The following RIN2 variants were observed in gnomAD, a reference collection of about 807,000 sequenced individuals.
The protein encoded by RIN2 is Ras and Rab interactor 2.
Under a neutral mutation model 78.0 loss-of-function variants are expected in RIN2, and 36 were observed. The ratio of observed to expected loss-of-function variants is 0.46; its 90% CI spans 0.35 to 0.61. The LOEUF is 0.61. RIN2 is among the 20% of genes least tolerant of loss of function. The pLI is 0.00. For synonymous variants in RIN2, 466 were observed against 466.8 expected, an observed-to-expected ratio of 1.00 and a Z score of 0.02; for missense variants, 1,087 against 1,159.7, an observed-to-expected ratio of 0.94 and a Z score of 0.91.
intron 2 of RIN2, among the ~76,000 whole-genome samples, chr20:19,883,889 TAAAA>T (rs140532587): frequency 7.0e-5 from 10 of 143,698 alleles, no homozygotes; most frequent in Admixed American, 1.4e-4. Flanking sequence ...ACCACCTTGT[TAAAA>T]AAAAAAAAAA....
intron 3 of RIN2, among the ~76,000 whole-genome samples, chr20:19,894,879 G>A (rs2038648037): frequency 6.6e-6 from 1 of 151,982 alleles, no homozygotes; most frequent in African/African-American, 2.4e-5. Flanking sequence ...GAAGACCCTG[G>A]CTCCTTGCTG....
chr20:19,850,934 A>C lies in RIN2; in HGVS notation c.-36-38632A>C, dbSNP rs139822803. Among the ~76,000 whole-genome samples, 336 of 151,998 alleles carry C rather than the reference A, an allele frequency of 2.2e-3. 1 individual carries two copies. Among genetic ancestry groups the C allele is most frequent in the Non-Finnish European group, 3.2e-3 (215 of 67,966 alleles). ...AATTGCAGTAAGCCAAGATCGTGCC[A>C]CTGCACTCCAGCCTGGGCAACAAAA... On this transcript the variant is annotated intron_variant, in intron 2 of 12. Coordinates refer to ENST00000255006, the MANE Select transcript of RIN2 (RefSeq NM_018993.4).
At chr20:19,891,613 G>T (rs2123513192) in intron 3 of RIN2, among the ~76,000 whole-genome samples, 1 of 152,334 alleles carries the variant, frequency 6.6e-6, no homozygotes, top group East Asian at 1.9e-4. Context: ...GAGGTCAGGA[G>T]TTCGAGACGA....
At chr20:19,902,015 CAAAAAAAAAAAAA>C (rs55949901) in intron 3 of RIN2, among the ~76,000 whole-genome samples, 2 of 100,664 alleles carry the variant, frequency 2.0e-5, no homozygotes, top group African/African-American at 3.9e-5. Context: ...GACTCTGTCT[CAAAAAAAAAAAAA>C]AAAAAAAAAA....
At chr20:19,963,412 G>A (rs1324634127) in intron 6 of RIN2, among the ~76,000 whole-genome samples, 2 of 152,042 alleles carry the variant, frequency 1.3e-5, no homozygotes, top group African/African-American at 4.8e-5. Context: ...TCAGCAGTTC[G>A]AGACCAGCCT....
At chr20:19,835,095 A>G (rs1219651690) in intron 2 of RIN2, among the ~76,000 whole-genome samples, 3 of 136,556 alleles carry the variant, frequency 2.2e-5, no homozygotes, top group Non-Finnish European at 5.0e-5. Flanking sequence ...GAGAAAAAGA[A>G]AGAAGAAAGA....
At position 19,815,973 on chromosome 20, in the gene RIN2, C is replaced by T. The variant is rs553675425; in HGVS notation, c.-37+16226C>T. 2.6e-4 allele frequency among the ~76,000 whole-genome samples: 39 copies of T among 152,304 alleles called. 1 individual carries two copies. Among genetic ancestry groups the T allele is most frequent in the Non-Finnish European group, 2.1e-4 (14 of 68,032 alleles). On this transcript the variant is annotated intron_variant, in intron 2 of 12. Coordinates refer to ENST00000255006, the MANE Select transcript of RIN2 (RefSeq NM_018993.4). The stretch of plus-strand genomic sequence containing the variant: ...AAAATTTGATGTTGAAAAAGATAAA[C>T]GTCTTCTTTGGTTAAGAAGATTTTG...
chr20:20,000,853 T>G lies in RIN2; in HGVS notation c.2605T>G (p.Phe869Val), dbSNP rs775176862. Residue 869 changes from phenylalanine to valine, a missense_variant, in exon 13 of 13, where the codon TTC (phenylalanine) becomes GTC (valine). By Grantham distance (50) the Phe-to-Val change is conservative (BLOSUM62 -1). Around this residue, in one of 8 missense-constraint regions of RIN2, gnomAD observed 160 missense variants for 179.4 expected, o/e 0.89. Transcript: ENST00000255006. ...GCACAGCCGACCACAGCCCCACATC[T>G]TCCACTTTGTCTACAAACGCATCAA... The part of the protein sequence containing the change: ...ELHSRPQPHI[F>V]HFVYKRIKND... 6.2e-7 allele frequency: 1 copy of G among 1,614,000 alleles called. No homozygotes were observed. The highest frequency in any genetic ancestry group is 1.7e-5 in the Admixed American group (1 of 60,026).
chr20:19,816,376 C>A (rs1035987656), intron 2 of RIN2, among the ~76,000 whole-genome samples: 1 of 151,710 alleles, frequency 6.6e-6, no homozygotes, highest in African/African-American at 2.4e-5. Flanking sequence ...GGGGCTTTGG[C>A]GGCTATGTCT....
intron 4 of RIN2, chr20:19,935,593 A>G: frequency 1.0e-6 from 1 of 997,748 alleles, no homozygotes; most frequent in Non-Finnish European, 1.2e-6. Flanking sequence ...GGATGGACTC[A>G]TTTTGCATTC....
chr20:19,784,530 G>A (rs2328452), intron 1 of RIN2, among the ~76,000 whole-genome samples: 27,207 of 151,962 alleles, frequency 0.18, 3,058 homozygotes, highest in African/African-American at 0.32. Context: ...GTGGTTGCCT[G>A]CATCCAAATC....
chr20:19,845,853 G>T (rs952064114), intron 2 of RIN2, among the ~76,000 whole-genome samples: 16 of 152,054 alleles, frequency 1.1e-4, no homozygotes, highest in African/African-American at 3.6e-4. Flanking sequence ...ATGTTTTCAT[G>T]GTTTTAGGTC....
intron 3 of RIN2, among the ~76,000 whole-genome samples, chr20:19,905,261 A>G (rs570658336): frequency 6.6e-6 from 1 of 152,014 alleles, no homozygotes; most frequent in Admixed American, 6.6e-5. Context: ...AGGATTGCAG[A>G]CTCCTGTCAT....
chr20:19,971,735 AT>A lies in RIN2; in HGVS notation c.628+830del, dbSNP rs61019165. Reference sequence around the variant, plus strand: ...TGAATTCCCTTCTGCTGAAACTGCAATTTTTTTTTTTTTTTTTTTTTTTTGA... The same window carrying A: ...TGAATTCCCTTCTGCTGAAACTGCAATTTTTTTTTTTTTTTTTTTTTTTGA... On this transcript the variant is annotated intron_variant, in intron 8 of 12. Transcript: ENST00000255006. Among the ~76,000 whole-genome samples the A allele has an allele frequency of 6.7e-3, 616 of 91,510 alleles. 2 individuals are homozygous for A. The highest frequency in any genetic ancestry group is 0.02 in the Middle Eastern group (2 of 102). 60.0% of individuals were successfully genotyped at this position (91,510 alleles called of 152,430 possible). A position where few individuals can be genotyped will look rare whatever the true frequency, so the allele number is the denominator to read the frequency against.
chr20:19,970,609 T>C (rs944135971), intron 7 of RIN2, among the ~76,000 whole-genome samples: 5 of 152,242 alleles, frequency 3.3e-5, no homozygotes, highest in Non-Finnish European at 5.9e-5. Flanking sequence ...ACTTTGATAC[T>C]GAAACTATGC....
chr20:19,843,857 C>T (rs142977090), intron 2 of RIN2, among the ~76,000 whole-genome samples: 1,632 of 152,182 alleles, frequency 0.011, 40 homozygotes, highest in African/African-American at 0.038. Flanking sequence ...AAAAAAATAA[C>T]CTTTAGTCCT....
chr20:19,785,785 T>C (rs994182000), intron 1 of RIN2, among the ~76,000 whole-genome samples: 9 of 152,224 alleles, frequency 5.9e-5, no homozygotes, highest in Non-Finnish European at 1.3e-4. Context: ...TGGTAATATG[T>C]CAAACTTTCA....
chr20:19,945,732 C>T (rs2041063852), intron 4 of RIN2, among the ~76,000 whole-genome samples: 1 of 152,004 alleles, frequency 6.6e-6, no homozygotes, highest in South Asian at 2.1e-4. Context: ...ACTTTTACAA[C>T]CAAAGCCACT....
At chr20:19,788,432 C>CAAAAAAAAAAAAAAAAAAAAAA (rs1224663738) in intron 1 of RIN2, among the ~76,000 whole-genome samples, 20 of 53,718 alleles carry the variant, frequency 3.7e-4, no homozygotes, top group African/African-American at 1.8e-3. Flanking sequence ...CTGTCTCTGC[C>CAAAAAAAAAAAAAAAAAAAAAA]AAAAAAAAAA....
Sources: gnomAD v4.1 joint callset for allele counts (sites outside exome capture counted in the v4.1 genomes callset) on GRCh38, gnomAD v4.1.1 for gene constraint, gnomAD v4.1.1 regional missense constraint, MANE v1.5 for transcripts, NCBI Gene and HGNC (gene_info 2026-07-23, HGNC 2026-07-21) for gene names.